SLC24A1: variants seen among roughly 807,000 people sequenced by gnomAD.
The protein encoded by SLC24A1 is solute carrier family 24 member 1, also known as sodium/potassium/calcium exchanger 1.
SLC24A1 carries 52 observed loss-of-function variants against 88.1 expected under a neutral mutation model. The observed-to-expected ratio is 0.59, with a 90% CI of 0.47 to 0.74. The LOEUF is 0.74. Among genes scored for constraint, SLC24A1 ranks in the 30% least tolerant of loss-of-function variants. The pLI is 0.00. For synonymous variants in SLC24A1, 455 were observed against 498.0 expected (o/e 0.91, Z 1.15); for missense variants, 1,173 against 1,363.3 (o/e 0.86, Z 2.20).
chr15:65,626,108 A>G (rs2074506499), intron 2 of SLC24A1, 138 bp downstream of exon 2: 3 of 709,104 alleles, frequency 4.2e-6, no homozygotes, highest in Non-Finnish European at 5.0e-6. Context: ...TTCAACATTT[A>G]TAGAGTACCT....
Position 65,644,422 on chromosome 15 carries a change from T to C in SLC24A1, c.2054-5T>C. Reference sequence around the variant, plus strand: ...GGTAAGATGTATGTCCTGTCTCATTTGCAGTTCGCCTTGCCAAGGAGAAGG... The same window carrying C: ...GGTAAGATGTATGTCCTGTCTCATTCGCAGTTCGCCTTGCCAAGGAGAAGG... On this transcript the variant is annotated splice_polypyrimidine_tract_variant and splice_region_variant and intron_variant, in intron 4 of 9. Transcript: ENST00000261892. 6.3e-7 allele frequency: 1 copy of C among 1,576,082 alleles called. No individual in the cohort carries two copies. The highest frequency in any genetic ancestry group is 8.6e-7 in the Non-Finnish European group (1 of 1,158,356).
In SLC24A1 at chr15:65,624,315, C is replaced by G. The variant is rs779538393; in HGVS notation, c.235C>G (p.Pro79Ala). Residue 79 changes from proline to alanine, a missense_variant, in exon 2 of 10, where the codon CCT becomes GCT. Coordinates refer to ENST00000261892, the MANE Select transcript of SLC24A1 (RefSeq NM_004727.3). ...SEEMMMMSSS[P>A]SKPSSEMGGK... is the part of the protein sequence containing the mutation. ...AGAGATGATGATGATGAGCAGCAGC[C>G]CTTCAAAACCTAGCTCCGAAATGGG... is the stretch of plus-strand genomic sequence containing the variant. 115 of 1,613,494 alleles carry G rather than the reference C, an allele frequency of 7.1e-5. No individual in the cohort carries two copies. The highest frequency in any genetic ancestry group is 1.2e-4 in the Admixed American group (7 of 59,962).
downstream of SLC24A1, chr15:65,659,514 T>G (rs2075792356): frequency 6.6e-6 from 1 of 151,552 alleles, no homozygotes; most frequent in African/African-American, 2.4e-5. Flanking sequence ...TTAAAAAATT[T>G]TTTTGTAGAG....
intron 6 of SLC24A1, 60 bp downstream of exon 6, chr15:65,645,763 C>A: frequency 1.8e-6 from 2 of 1,100,784 alleles, no homozygotes; most frequent in Non-Finnish European, 2.7e-6. Context: ...AACTCTTGAC[C>A]AAAAATACAT....
At chr15:65,631,711 G>C (rs2074731574) in intron 2 of SLC24A1, among the ~76,000 whole-genome samples, 1 of 152,168 alleles carries the variant, frequency 6.6e-6, no homozygotes, top group Non-Finnish European at 1.5e-5. Context: ...TATTAGTTTG[G>C]TGCAAAAGTA....
intron 3 of SLC24A1, among the ~76,000 whole-genome samples, chr15:65,639,382 AAAAC>A: frequency 6.6e-6 from 1 of 152,334 alleles, no homozygotes; most frequent in African/African-American, 2.4e-5. Flanking sequence ...TTCAGTACCT[AAAAC>A]AAAATAGTCC....
intron 5 of SLC24A1, 135 bp downstream of exon 5, chr15:65,644,648 T>G (rs954018693): frequency 1.6e-6 from 1 of 641,522 alleles, no homozygotes; most frequent in Admixed American, 2.6e-5. Flanking sequence ...GCCAGTCAGT[T>G]AGAGTGATGG....
At chr15:65,647,475 C>CAAAA (rs199501932) in intron 6 of SLC24A1, among the ~76,000 whole-genome samples, 4 of 81,174 alleles carry the variant, frequency 4.9e-5, no homozygotes, top group African/African-American at 8.8e-5. Flanking sequence ...GAGACTGTCT[C>CAAAA]AAAAAAAAAA....
At chr15:65,617,520 C>G (rs979773714), upstream of SLC24A1, among the ~76,000 whole-genome samples, 16 of 152,020 alleles carry the variant, frequency 1.1e-4, no homozygotes, top group African/African-American at 3.4e-4. Context: ...CATGATTTGG[C>G]TCTGTTTGTC....
downstream of SLC24A1, among the ~76,000 whole-genome samples, chr15:65,657,641 CA>C (rs563689190): frequency 6.6e-6 from 1 of 150,640 alleles, no homozygotes; most frequent in African/African-American, 2.4e-5. Context: ...GACTCCGTCT[CA>C]AAAAAAAAGA....
intron 6 of SLC24A1, 88 bp downstream of exon 6, chr15:65,645,791 A>G: frequency 1.2e-6 from 1 of 852,896 alleles, no homozygotes; most frequent in Admixed American, 2.4e-5. Flanking sequence ...GAAGGTCTGA[A>G]ATCCTATTTG....
chr15:65,654,078 G>C lies in SLC24A1; in HGVS notation c.3299G>C (p.Ter1100SerextTer44), dbSNP rs778995775. Reference protein sequence around the residue: ...DRIISCPVSV* With the variant: ...DRIISCPVSVS ...ATCATATCCTGTCCTGTATCTGTCT[G>C]AATCAGTCACTCTTGCTCACAATGG... The change falls in exon 10 of 10, where the codon TGA becomes TCA. Residue 1100 changes from the stop codon to serine (S), a stop_lost. Coordinates refer to ENST00000261892, the MANE Select transcript of SLC24A1 (RefSeq NM_004727.3). 2 of 1,611,558 alleles carry C rather than the reference G, an allele frequency of 1.2e-6. No individual in the cohort carries two copies. Among genetic ancestry groups the C allele is most frequent in the Admixed American group, 3.3e-5 (2 of 59,944 alleles).
At position 65,650,462 on chromosome 15, in the gene SLC24A1, G is replaced by A; in HGVS notation, c.2313G>A (p.Glu771=). ...GETAGEGETE[E]KSGGETQPEG... ...CTGCTGGTGAAGGTGAAACTGAAGA[G>A]AAAAGTGGAGGTGAAACTCAACCAG... Residue 771 remains glutamate, a synonymous_variant, in exon 7 of 10, where the codon GAG becomes GAA. Coordinates refer to ENST00000261892, the MANE Select transcript of SLC24A1 (RefSeq NM_004727.3). This position sits in a 1 kb window ranked among gnomAD's most constrained non-coding sequence, Gnocchi z 4.1. 1 of 1,551,694 alleles carries A rather than the reference G, an allele frequency of 6.4e-7. No individual in the cohort carries two copies. Among genetic ancestry groups the A allele is most frequent in the South Asian group, 1.2e-5 (1 of 84,054 alleles).
chr15:65,636,913 A>C (rs534214164), intron 2 of SLC24A1, among the ~76,000 whole-genome samples: 59 of 150,440 alleles, frequency 3.9e-4, no homozygotes, highest in African/African-American at 1.4e-3. Context: ...AAAAGCACTG[A>C]AGGTCACTCA....
upstream of SLC24A1, among the ~76,000 whole-genome samples, chr15:65,620,006 G>T (rs763357304): frequency 6.6e-6 from 1 of 151,758 alleles, no homozygotes; most frequent in Non-Finnish European, 1.5e-5. Context: ...TCCATGTGTA[G>T]CTCAGGGCCC....
chr15:65,621,466 G>C, upstream of SLC24A1, among the ~76,000 whole-genome samples: 1 of 152,122 alleles, frequency 6.6e-6, no homozygotes, highest in Admixed American at 6.5e-5. Context: ...AAGTTTGCTT[G>C]GTGTTTTCTC....
At chr15:65,616,600 A>G (rs2074153090) in intron 2 of SLC24A1, among the ~76,000 whole-genome samples, 1 of 151,830 alleles carries the variant, frequency 6.6e-6, no homozygotes, top group South Asian at 2.1e-4. Flanking sequence ...AATTTGTTTG[A>G]GTTCTTTGTA....
At chr15:65,659,354 G>C (rs1596368028), downstream of SLC24A1, 1 of 55,724 alleles carries the variant, frequency 1.8e-5, no homozygotes, top group Non-Finnish European at 3.5e-5. Context: ...TTTTTTTTGA[G>C]ACAGGGTCTT....
At chr15:65,623,737 A>C (rs2074400058) in intron 1 of SLC24A1, among the ~76,000 whole-genome samples, 1 of 152,128 alleles carries the variant, frequency 6.6e-6, no homozygotes, top group Non-Finnish European at 1.5e-5. Context: ...GGGGGCTGGC[A>C]TGCCTACATA....
Sources: allele counts gnomAD v4.1 joint callset (sites outside exome capture counted in the v4.1 genomes callset), GRCh38; gene constraint gnomAD v4.1.1; non-coding constraint Gnocchi (gnomAD v3.1); transcripts MANE v1.5; gene names NCBI Gene and HGNC (gene_info 2026-07-23, HGNC 2026-07-21).